The following BANK1 variants were observed in gnomAD, a reference collection of about 807,000 sequenced individuals.
The protein encoded by BANK1 is B-cell scaffold protein with ankyrin repeats.
In BANK1, 95 loss-of-function variants were observed where a neutral mutation model predicts 94.5. The observed-to-expected ratio is 1.00, with a 90% CI of 0.85 to 1.19. The LOEUF is 1.19. BANK1 is among the 50% of genes most tolerant of loss of function. BANK1 has a pLI of 0.00. For synonymous variants in BANK1, 334 were observed against 308.4 expected, an observed-to-expected ratio of 1.08 and a Z score of -0.87; for missense variants, 987 against 932.2, an observed-to-expected ratio of 1.06 and a Z score of -0.77.
chr4:101,912,798 T>C (rs556415272), intron 6 of BANK1, among the ~76,000 whole-genome samples: 2 of 152,174 alleles, frequency 1.3e-5, no homozygotes, highest in African/African-American at 4.8e-5. Flanking sequence ...CCACTCCTTT[T>C]ACTGCCCAAA....
intron 5 of BANK1, among the ~76,000 whole-genome samples, chr4:101,872,235 G>A (rs1728319041): frequency 1.3e-5 from 2 of 152,062 alleles, no homozygotes; most frequent in African/African-American, 4.8e-5. Flanking sequence ...AGCAAACCAT[G>A]GCATGGCAAG....
intron 7 of BANK1, among the ~76,000 whole-genome samples, chr4:101,983,427 G>C (rs189992512): frequency 6.6e-6 from 1 of 152,098 alleles, no homozygotes; most frequent in African/African-American, 2.4e-5. Flanking sequence ...TTAAAGTTCT[G>C]CTCCTTAATT....
At chr4:101,813,126 A>T (rs1725780778) in intron 1 of BANK1, among the ~76,000 whole-genome samples, 1 of 152,144 alleles carries the variant, frequency 6.6e-6, no homozygotes, top group Admixed American at 6.6e-5. Context: ...TATATACAAT[A>T]TTCACTTCAG....
At chr4:101,821,279 C>T (rs1726136365) in intron 1 of BANK1, among the ~76,000 whole-genome samples, 2 of 152,112 alleles carry the variant, frequency 1.3e-5, no homozygotes, top group South Asian at 4.2e-4. Context: ...ATGTCCTTTG[C>T]CCACTTTTTA....
intron 4 of BANK1, among the ~76,000 whole-genome samples, chr4:101,868,484 G>A (rs762744010): frequency 2.0e-4 from 30 of 151,928 alleles, no homozygotes; most frequent in Non-Finnish European, 3.1e-4. Context: ...AAAAGCTGCT[G>A]GAATTGAAAA....
At chr4:102,035,037 G>A (rs992733254) in intron 10 of BANK1, among the ~76,000 whole-genome samples, 1 of 152,142 alleles carries the variant, frequency 6.6e-6, no homozygotes, top group African/African-American at 2.4e-5. Flanking sequence ...CTGAATATTT[G>A]GTGAATATTA....
At chr4:102,033,744 C>A (rs1180418203) in intron 10 of BANK1, among the ~76,000 whole-genome samples, 1 of 152,142 alleles carries the variant, frequency 6.6e-6, no homozygotes, top group African/African-American at 2.4e-5. Context: ...GAGATGAAAA[C>A]TAGTGCTATA....
chr4:101,851,839 C>T lies in BANK1; in HGVS notation c.470-3196C>T, dbSNP rs1727488492. 4.6e-5 allele frequency among the ~76,000 whole-genome samples: 7 copies of T among 152,058 alleles called. No individual in the cohort carries two copies. In the South Asian group the frequency reaches 1.4e-3, roughly 31 times the overall value. ...AAATAGGCTTCTTTTATTCTTAGGGCAAAAGCAAAACTTCCTTTTGCTCAG... is the reference window on the plus strand; with the variant it reads ...AAATAGGCTTCTTTTATTCTTAGGGTAAAAGCAAAACTTCCTTTTGCTCAG... On this transcript the variant is annotated intron_variant, in intron 2 of 16. Coordinates refer to ENST00000322953, the MANE Select transcript of BANK1 (RefSeq NM_017935.5).
rs1727951190 is a variant in BANK1 at position 101,863,358 on chromosome 4, C to G, written c.763+694C>G. 2.0e-5 allele frequency among the ~76,000 whole-genome samples: 3 copies of G among 151,866 alleles called. No homozygotes were observed. The South Asian group carries it at 6.2e-4, about 31-fold the overall frequency. ...TGCTTGGTTTTTACATTTATGATGT[C>G]TTTTCCTGATCAGAGAATAAAATCA... is the stretch of plus-strand genomic sequence containing the variant. On this transcript the variant is annotated intron_variant, in intron 4 of 16. Coordinates refer to ENST00000322953, the MANE Select transcript of BANK1 (RefSeq NM_017935.5).
intron 6 of BANK1, among the ~76,000 whole-genome samples, chr4:101,898,285 T>G (rs1209939828): frequency 6.6e-6 from 1 of 151,970 alleles, no homozygotes; most frequent in East Asian, 1.9e-4. Context: ...TTTGCACCTG[T>G]GTTTCATAAT....
intron 6 of BANK1, among the ~76,000 whole-genome samples, chr4:101,910,918 G>A (rs1455961994): frequency 6.6e-6 from 1 of 152,100 alleles, no homozygotes; most frequent in Non-Finnish European, 1.5e-5. Flanking sequence ...GGGCACAGAA[G>A]CCAAGGAACA....
intron 7 of BANK1, among the ~76,000 whole-genome samples, chr4:101,920,147 C>T (rs1722952908): frequency 6.6e-6 from 1 of 151,954 alleles, no homozygotes; most frequent in South Asian, 2.1e-4. Flanking sequence ...CGCATGTTCT[C>T]ACCCGTAGGT....
At position 102,041,553 on chromosome 4, in the gene BANK1, G is replaced by C. The variant is rs546128081; in HGVS notation, c.1901-2286G>C. The stretch of plus-strand genomic sequence containing the variant: ...TGGGAGAAAGGGAACCTAGAGGTAT[G>C]GGTGCAGCTGCAAGTGAATTAAAAG... On this transcript the variant is annotated intron_variant, in intron 10 of 16. Coordinates refer to ENST00000322953, the MANE Select transcript of BANK1 (RefSeq NM_017935.5). Among the ~76,000 whole-genome samples the C allele has an allele frequency of 9.2e-5, 14 of 152,158 alleles. No individual in the cohort carries two copies. The South Asian group carries it at 2.9e-3, about 32-fold the overall frequency.
intron 7 of BANK1, among the ~76,000 whole-genome samples, chr4:101,936,223 A>G (rs1180931506): frequency 2.7e-5 from 4 of 149,614 alleles, no homozygotes; most frequent in Admixed American, 6.7e-5. Flanking sequence ...ATGTACATGT[A>G]CACATATATG....
At chr4:101,984,058 G>T (rs1487133252) in intron 7 of BANK1, among the ~76,000 whole-genome samples, 1 of 151,962 alleles carries the variant, frequency 6.6e-6, no homozygotes, top group African/African-American at 2.4e-5. Flanking sequence ...GCTGATATCA[G>T]ATATGAAATG....
intron 7 of BANK1, among the ~76,000 whole-genome samples, chr4:101,956,443 CAG>C (rs1257687235): frequency 1.3e-5 from 2 of 152,114 alleles, no homozygotes; most frequent in Non-Finnish European, 2.9e-5. Flanking sequence ...AAACTCAGAG[CAG>C]AGAGTTAAAA....
intron 9 of BANK1, among the ~76,000 whole-genome samples, chr4:102,026,841 A>AT (rs1560694914): frequency 1.3e-5 from 2 of 151,272 alleles, no homozygotes; most frequent in African/African-American, 4.9e-5. Flanking sequence ...AAAAAAAAAA[A>AT]GGAATTTAGC....
intron 7 of BANK1, among the ~76,000 whole-genome samples, chr4:101,974,793 CAA>C (rs5860706): frequency 2.5e-3 from 373 of 146,342 alleles, no homozygotes; most frequent in African/African-American, 4.6e-3. Context: ...ACTAAAAATA[CAA>C]AAAAAAAAAA....
intron 7 of BANK1, among the ~76,000 whole-genome samples, chr4:101,960,746 A>G (rs1416234991): frequency 6.6e-6 from 1 of 152,214 alleles, no homozygotes; most frequent in Non-Finnish European, 1.5e-5. Context: ...TTTTAAAAGC[A>G]TAACTATGTG....
Sources: allele counts gnomAD v4.1 joint callset (sites outside exome capture counted in the v4.1 genomes callset), GRCh38; gene constraint gnomAD v4.1.1; transcripts MANE v1.5; gene names NCBI Gene and HGNC (gene_info 2026-07-23, HGNC 2026-07-21).